The following CNTN4 variants were observed in gnomAD, a reference collection of about 807,000 sequenced individuals.
The protein encoded by CNTN4 is contactin 4, also known as contactin-4.
Under a neutral mutation model 122.5 loss-of-function variants are expected in CNTN4, and 77 were observed. That is an observed-to-expected ratio of 0.63 (90% CI 0.52 to 0.76). CNTN4 has a LOEUF of 0.76. CNTN4 is among the 30% of genes least tolerant of loss of function. CNTN4 has a pLI of 0.00. For missense variants in CNTN4, 1,256 were observed against 1,259.1 expected (o/e 1.00, Z 0.04); for synonymous variants, 512 against 447.0 (o/e 1.15, Z -1.83).
chr3:2,275,124 C>G (rs1030114626), intron 2 of CNTN4, among the ~76,000 whole-genome samples: 1 of 152,162 alleles, frequency 6.6e-6, no homozygotes, highest in African/African-American at 2.4e-5. Flanking sequence ...CCATCATCTA[C>G]GTTGCCTGTT....
intron 2 of CNTN4, among the ~76,000 whole-genome samples, chr3:2,272,788 G>A (rs2041352383): frequency 7.1e-6 from 1 of 141,484 alleles, no homozygotes; most frequent in Non-Finnish European, 1.5e-5. Context: ...GCATTGTAAG[G>A]GTAGCAGAAA....
chr3:2,993,148 T>G (rs1319727357), intron 14 of CNTN4, among the ~76,000 whole-genome samples: 1 of 152,106 alleles, frequency 6.6e-6, no homozygotes, highest in Non-Finnish European at 1.5e-5. Context: ...AACAATAATA[T>G]TTTTGGGCAT....
chr3:3,021,260 CA>C (rs1304733432), intron 14 of CNTN4, among the ~76,000 whole-genome samples: 63 of 152,168 alleles, frequency 4.1e-4, no homozygotes, highest in African/African-American at 1.5e-3. Flanking sequence ...AGAATTGATA[CA>C]GTTTATCTTG....
At chr3:2,191,918 C>T (rs545239653) in intron 2 of CNTN4, among the ~76,000 whole-genome samples, 77 of 152,030 alleles carry the variant, frequency 5.1e-4, no homozygotes, top group African/African-American at 1.6e-3. Context: ...TCTGATGTTC[C>T]CCTTCCTGTG....
Position 2,866,488 on chromosome 3 carries a change from C to G in CNTN4, c.455-264C>G, listed in dbSNP as rs2093725035. ...ATTAGCAAACTATAAATGCTTAGCC[C>G]TTGACTTAAAGAGGTTGGACATCGC... On this transcript the variant is annotated intron_variant, in intron 7 of 24. Transcript: ENST00000418658. 1.3e-5 allele frequency: 17 copies of G among 1,303,328 alleles called. No individual in the cohort carries two copies. In the South Asian group the frequency reaches 2.7e-4, roughly 20 times the overall value. The allele number at this position is 1,303,328 out of a possible 1,614,324, so 80.7% of individuals were successfully genotyped here.
At chr3:2,813,495 T>A (rs764953555) in intron 6 of CNTN4, among the ~76,000 whole-genome samples, 2 of 152,190 alleles carry the variant, frequency 1.3e-5, no homozygotes, top group Non-Finnish European at 2.9e-5. Flanking sequence ...CTTTTCTCCC[T>A]TCTCTCTGTG....
intron 13 of CNTN4, among the ~76,000 whole-genome samples, chr3:2,928,826 A>G (rs1225907763): frequency 6.6e-6 from 1 of 152,236 alleles, no homozygotes; most frequent in Non-Finnish European, 1.5e-5. Context: ...TGGTATTAGA[A>G]GCAATATTTT....
intron 4 of CNTN4, among the ~76,000 whole-genome samples, chr3:2,708,879 A>C (rs767532803): frequency 1.1e-4 from 16 of 152,160 alleles, no homozygotes; most frequent in Non-Finnish European, 2.1e-4. Context: ...TAAAAAGGAA[A>C]CTCTCCATTC....
At chr3:2,192,863 A>C (rs774488992) in intron 2 of CNTN4, among the ~76,000 whole-genome samples, 1 of 152,152 alleles carries the variant, frequency 6.6e-6, no homozygotes, top group African/African-American at 2.4e-5. Flanking sequence ...TGTTGTTGTC[A>C]TGGGCGACAT....
intron 2 of CNTN4, among the ~76,000 whole-genome samples, chr3:2,233,046 G>A (rs956015691): frequency 6.6e-6 from 1 of 152,192 alleles, no homozygotes; most frequent in East Asian, 1.9e-4. Context: ...TTAATGGGGC[G>A]CCTGTTAAGA....
intron 3 of CNTN4, among the ~76,000 whole-genome samples, chr3:2,489,810 C>G (rs964743296): frequency 2.6e-5 from 4 of 152,118 alleles, no homozygotes; most frequent in Admixed American, 1.3e-4. Flanking sequence ...TTCTACTTTC[C>G]TCCCTTCCAA....
chr3:2,853,256 T>G (rs932759112), intron 7 of CNTN4, among the ~76,000 whole-genome samples: 2 of 152,194 alleles, frequency 1.3e-5, no homozygotes, highest in Admixed American at 1.3e-4. Context: ...TGTTTTGTTT[T>G]GTTTTTGAGA....
intron 2 of CNTN4, among the ~76,000 whole-genome samples, chr3:2,302,921 C>G (rs2042575800): frequency 6.6e-6 from 1 of 152,104 alleles, no homozygotes; most frequent in African/African-American, 2.4e-5. Context: ...ATGAGGTGCC[C>G]TTTTGTGGAT....
At chr3:2,708,740 C>CAG (rs2086905934) in intron 4 of CNTN4, among the ~76,000 whole-genome samples, 1 of 29,564 alleles carries the variant, frequency 3.4e-5, no homozygotes, top group South Asian at 1.4e-3. Context: ...CACACACACA[C>CAG]ACACACACAC....
At chr3:2,380,539 G>T (rs1322823012) in intron 3 of CNTN4, among the ~76,000 whole-genome samples, 2 of 152,096 alleles carry the variant, frequency 1.3e-5, no homozygotes, top group Non-Finnish European at 2.9e-5. Flanking sequence ...ATTTTAATTG[G>T]TTTATCTGAA....
rs549873260 is a variant in CNTN4 at position 2,343,516 on chromosome 3, A to G, written c.-89+4283A>G. On this transcript the variant is annotated intron_variant, in intron 3 of 24. Transcript: ENST00000418658. ...GGTCGCGGGTCACTCCTTCATTTAC[A>G]TAGTGTAACTAAGTAACCAGTGGGA... is the stretch of plus-strand genomic sequence containing the variant. Among the ~76,000 whole-genome samples, 4 of 152,316 alleles carry G rather than the reference A, an allele frequency of 2.6e-5. No individual in the cohort carries two copies. The South Asian group carries it at 8.3e-4, about 32-fold the overall frequency.
Position 2,840,566 on chromosome 3 carries a change from A to T in CNTN4, c.454+20985A>T, listed in dbSNP as rs180939208. ...ATACAAAAATTAGCCGGGCGCGGTG[A>T]TGGGCGCCTGTAGTCCCAGCTACTC... is the stretch of plus-strand genomic sequence containing the variant. On this transcript the variant is annotated intron_variant, in intron 7 of 24. Transcript: ENST00000418658. Among the ~76,000 whole-genome samples the T allele has an allele frequency of 4.2e-4, 5 of 11,870 alleles. 2 individuals are homozygous for T. Among genetic ancestry groups the T allele is most frequent in the East Asian group, 0.012 (2 of 164 alleles). 7.8% of individuals were successfully genotyped at this position (11,870 alleles called of 152,430 possible).
At position 2,754,020 on chromosome 3, in the gene CNTN4, T is replaced by C. The variant is rs139739408; in HGVS notation, c.358+8323T>C. Among the ~76,000 whole-genome samples the C allele has an allele frequency of 4.7e-3, 720 of 152,308 alleles. 3 individuals carry two copies. The highest frequency in any genetic ancestry group is 0.016 in the African/African-American group (675 of 41,576). On this transcript the variant is annotated intron_variant, in intron 6 of 24. Coordinates refer to ENST00000418658, the MANE Select transcript of CNTN4 (RefSeq NM_175607.3). Reference sequence around the variant, plus strand: ...GTAGGCTGTAAAGCATTTTGAATATTGATATTTTATGGTGAATAACTGGTT... The same window carrying C: ...GTAGGCTGTAAAGCATTTTGAATATCGATATTTTATGGTGAATAACTGGTT...
chr3:2,871,660 G>A lies in CNTN4; in HGVS notation c.652+4711G>A, dbSNP rs556755533. ...AAGGGAACTGAAGATCAGAGAATTC[G>A]GATAAGAAAAATGGCATCAGGACAG... On this transcript the variant is annotated intron_variant, in intron 8 of 24. Coordinates refer to ENST00000418658, the MANE Select transcript of CNTN4 (RefSeq NM_175607.3). Among the ~76,000 whole-genome samples the A allele has an allele frequency of 6.0e-4, 92 of 152,114 alleles. 1 individual carries two copies. Among genetic ancestry groups the A allele is most frequent in the Non-Finnish European group, 1.2e-3 (79 of 67,982 alleles).
Sources: allele counts gnomAD v4.1 joint callset (sites outside exome capture counted in the v4.1 genomes callset), GRCh38; gene constraint gnomAD v4.1.1; transcripts MANE v1.5; gene names NCBI Gene and HGNC (gene_info 2026-07-23, HGNC 2026-07-21).